OSER1: variants seen among roughly 807,000 people sequenced by gnomAD.
The protein encoded by OSER1 is oxidative stress-responsive serine-rich protein 1.
Under a neutral mutation model 26.3 loss-of-function variants are expected in OSER1, and 15 were observed. That is an observed-to-expected ratio of 0.57 (90% CI 0.38 to 0.88). OSER1 has a LOEUF of 0.88. Among genes scored for constraint, OSER1 ranks in the 40% least tolerant of loss-of-function variants. The pLI, the probability that OSER1 is intolerant of heterozygous loss-of-function variation, is 0.00. For synonymous variants in OSER1, 127 were observed against 128.2 expected (o/e 0.99, Z 0.07); for missense variants, 313 against 353.9 (o/e 0.88, Z 0.93).
chr20:44,204,707 T>C (rs1254951120), intron 2 of OSER1, among the ~76,000 whole-genome samples: 1 of 152,212 alleles, frequency 6.6e-6, no homozygotes, highest in Non-Finnish European at 1.5e-5. Context: ...GTGTGTTCAA[T>C]GTTTAGCCCC....
At chr20:44,207,730 G>C (rs1365115117) in intron 1 of OSER1, 3 of 152,156 alleles carry the variant, frequency 2.0e-5, no homozygotes, top group Admixed American at 6.5e-5. Context: ...CCTAAAGAAA[G>C]GTTGAAAGTA....
In OSER1 at chr20:44,197,811, T is replaced by C. The variant is rs116492865; in HGVS notation, c.192-72A>G. 1.5e-4 allele frequency: 148 copies of C among 987,876 alleles called. 1 individual carries two copies. The African/African-American group carries it at 2.3e-3, about 15-fold the overall frequency. The allele number at this position is 987,876 out of a possible 1,614,324, so 61.2% of individuals were successfully genotyped here. On this transcript the variant is annotated intron_variant, in intron 3 of 3. Transcript: ENST00000255174. ...GTCCTAAACAGATTCTTTATGACAG[T>C]AGGAAATTTACCTTCCCTCAGCTTT... is the stretch of plus-strand genomic sequence containing the variant.
At chr20:44,203,959 T>C (rs911517404) in intron 2 of OSER1, among the ~76,000 whole-genome samples, 5 of 152,148 alleles carry the variant, frequency 3.3e-5, no homozygotes, top group Non-Finnish European at 7.4e-5. Flanking sequence ...CTTTTAATGA[T>C]ATGGGGGAAT....
intron 3 of OSER1, among the ~76,000 whole-genome samples, chr20:44,200,125 C>T (rs1281771304): frequency 1.3e-5 from 2 of 152,172 alleles, no homozygotes; most frequent in Admixed American, 1.3e-4. Flanking sequence ...CACTGTCCAG[C>T]GCCCGCACTA....
chr20:44,206,388 T>C (rs1016867125), intron 2 of OSER1, among the ~76,000 whole-genome samples: 1 of 152,174 alleles, frequency 6.6e-6, no homozygotes, highest in Non-Finnish European at 1.5e-5. Context: ...GTGCTCTAAT[T>C]AGTTTGGCCA....
At chr20:44,210,490 G>A (rs1050521803) in intron 1 of OSER1, among the ~76,000 whole-genome samples, 4 of 152,208 alleles carry the variant, frequency 2.6e-5, no homozygotes, top group Admixed American at 6.5e-5. Context: ...GGGAAGGGGA[G>A]AGAGCGTGGA....
chr20:44,206,117 A>C (rs1305985062), intron 2 of OSER1, among the ~76,000 whole-genome samples: 1 of 152,186 alleles, frequency 6.6e-6, no homozygotes, highest in Non-Finnish European at 1.5e-5. Flanking sequence ...AGTGAGAATT[A>C]AATAATGCGC....
Position 44,206,998 on chromosome 20 carries a change from A to G in OSER1, c.-41T>C. ...ACTACTTATCGATGTTCCTGTTTAC[A>G]CTAAAAAAGAAAATAAAGTGAGCAA... On this transcript the variant is annotated splice_region_variant and 5_prime_UTR_variant, in exon 2 of 4. Coordinates refer to ENST00000255174, the MANE Select transcript of OSER1 (RefSeq NM_016470.8). 6.8e-7 allele frequency: 1 copy of G among 1,464,570 alleles called. No homozygotes were observed. Among genetic ancestry groups the G allele is most frequent in the Non-Finnish European group, 9.5e-7 (1 of 1,049,446 alleles). 90.7% of individuals were successfully genotyped at this position (1,464,570 alleles called of 1,614,324 possible).
intron 3 of OSER1, among the ~76,000 whole-genome samples, chr20:44,198,596 G>C (rs529685320): frequency 9.2e-5 from 14 of 151,864 alleles, no homozygotes; most frequent in Admixed American, 4.6e-4. Flanking sequence ...TCCAGCCTGG[G>C]CAACAGAGCG....
chr20:44,201,389 T>C (rs1022166265), intron 3 of OSER1, among the ~76,000 whole-genome samples: 1 of 152,208 alleles, frequency 6.6e-6, no homozygotes, highest in Non-Finnish European at 1.5e-5. Context: ...TAGGACCTGA[T>C]GGTATTTAAC....
At chr20:44,200,613 T>C (rs1041502166) in intron 3 of OSER1, among the ~76,000 whole-genome samples, 2 of 152,202 alleles carry the variant, frequency 1.3e-5, no homozygotes, top group Non-Finnish European at 2.9e-5. Flanking sequence ...ACAGAGTAAG[T>C]CTGGAATTTC....
chr20:44,205,812 C>T (rs989851691), intron 2 of OSER1, among the ~76,000 whole-genome samples: 3 of 151,890 alleles, frequency 2.0e-5, no homozygotes, highest in Non-Finnish European at 2.9e-5. Context: ...TGGTTGTGGC[C>T]GCCTGTAGTC....
Position 44,197,626 on chromosome 20 carries a change from G to C in OSER1, c.305C>G (p.Ser102Cys). 2 of 1,614,062 alleles carry C rather than the reference G, an allele frequency of 1.2e-6. No homozygotes were observed. Among genetic ancestry groups the C allele is most frequent in the Non-Finnish European group, 1.7e-6 (2 of 1,179,940 alleles). ...GCTTTTGTGCTTGAGTTGACTGCTGGAAGAAGACGCTATTGTACTGCAATG... is the reference window on the plus strand; with the variant it reads ...GCTTTTGTGCTTGAGTTGACTGCTGCAAGAAGACGCTATTGTACTGCAATG... ...FIHCSTIASS[S>C]SSQLKHKSQT... Residue 102 changes from serine to cysteine, a missense_variant, in exon 4 of 4, where the codon TCC (serine) becomes TGC (cysteine). Around this residue, in one of 2 missense-constraint regions of OSER1, gnomAD observed 300 missense variants for 318.3 expected, o/e 0.94. Transcript: ENST00000255174.
At chr20:44,204,506 T>C (rs926444169) in intron 2 of OSER1, among the ~76,000 whole-genome samples, 1 of 152,208 alleles carries the variant, frequency 6.6e-6, no homozygotes, top group Admixed American at 6.5e-5. Context: ...GCAGAATACA[T>C]GCTACAAATA....
At position 44,196,249 on chromosome 20, in the gene OSER1, A is replaced by G. The variant is rs893597972; in HGVS notation, c.*803T>C. ...GGGCAGCTCAAAGAGGTAACCATCT[A>G]TAACATCTGAAACTGAGGTATGAGA... On this transcript the variant is annotated 3_prime_UTR_variant, in exon 4 of 4. Coordinates refer to ENST00000255174, the MANE Select transcript of OSER1 (RefSeq NM_016470.8). Among the ~76,000 whole-genome samples the G allele has an allele frequency of 4.0e-5, 6 of 151,314 alleles. No individual in the cohort carries two copies. Among genetic ancestry groups the G allele is most frequent in the South Asian group, 2.1e-4 (1 of 4,776 alleles).
rs1008972998 is a variant in OSER1 at position 44,196,870 on chromosome 20, G to C, written c.*182C>G. 3.5e-6 allele frequency: 2 copies of C among 573,178 alleles called. No homozygotes were observed. The highest frequency in any genetic ancestry group is 5.6e-5 in the East Asian group (2 of 35,440). The allele number at this position is 573,178 out of a possible 1,614,324, so 35.5% of individuals were successfully genotyped here. A position where few individuals can be genotyped will look rare whatever the true frequency, so the allele number is the denominator to read the frequency against. The stretch of plus-strand genomic sequence containing the variant: ...TCTGCTCGCCTTGAAGTGTATGTAA[G>C]AACTCAAGAGAGTAAGTTGAAAGAA... On this transcript the variant is annotated 3_prime_UTR_variant, in exon 4 of 4. Coordinates refer to ENST00000255174, the MANE Select transcript of OSER1 (RefSeq NM_016470.8).
intron 1 of OSER1, among the ~76,000 whole-genome samples, chr20:44,208,744 G>T (rs1306025213): frequency 6.6e-6 from 1 of 152,110 alleles, no homozygotes; most frequent in Admixed American, 6.5e-5. Context: ...CTAAATTGAA[G>T]TTTGACTTAC....
intron 2 of OSER1, among the ~76,000 whole-genome samples, chr20:44,204,045 C>T (rs542738330): frequency 1.5e-4 from 23 of 152,168 alleles, no homozygotes; most frequent in Admixed American, 2.6e-4. Flanking sequence ...TAAGTATAGG[C>T]TATCATGAAC....
intron 3 of OSER1, among the ~76,000 whole-genome samples, chr20:44,202,152 G>GA (rs1238239281): frequency 6.6e-6 from 1 of 152,190 alleles, no homozygotes; most frequent in Non-Finnish European, 1.5e-5. Context: ...GAGGTGGGTG[G>GA]ATCACCTGAG....
Sources: gnomAD v4.1 joint callset for allele counts (sites outside exome capture counted in the v4.1 genomes callset) on GRCh38, gnomAD v4.1.1 for gene constraint, gnomAD v4.1.1 regional missense constraint, MANE v1.5 for transcripts, NCBI Gene and HGNC (gene_info 2026-07-23, HGNC 2026-07-21) for gene names.